Variants in RBFOX3 observed in about 807,000 individuals in gnomAD.
RBFOX3 encodes the protein RNA binding protein fox-1 homolog 3.
RBFOX3 carries 17 observed loss-of-function variants against 48.7 expected under a neutral mutation model. The ratio of observed to expected loss-of-function variants is 0.35; its 90% CI spans 0.24 to 0.52. The LOEUF (loss-of-function observed/expected upper bound fraction) is 0.52. Ranked by LOEUF, RBFOX3 falls within the 20% of genes least tolerant of loss-of-function variation. The probability of loss-of-function intolerance (pLI) is 0.94; values close to 1 mark genes in which losing one functional copy is unlikely to be tolerated. For missense variants in RBFOX3, 382 were observed against 497.5 expected (o/e 0.77, Z 2.21); for synonymous variants, 212 against 209.5 (o/e 1.01, Z -0.10).
At chr17:79,433,097 A>G (rs1003538860) in intron 2 of RBFOX3, among the ~76,000 whole-genome samples, 2 of 152,148 alleles carry the variant, frequency 1.3e-5, no homozygotes, top group Non-Finnish European at 2.9e-5. Context: ...GTCACCACCA[A>G]CACCAATGGG....
chr17:79,432,794 T>G (rs142233783), intron 2 of RBFOX3, among the ~76,000 whole-genome samples: 1 of 152,082 alleles, frequency 6.6e-6, no homozygotes, highest in East Asian at 1.9e-4. Context: ...ATCCTAGAAA[T>G]TCTGCAAGCT....
At chr17:79,595,439 G>A (rs1434973449) in intron 1 of RBFOX3, among the ~76,000 whole-genome samples, 1 of 152,218 alleles carries the variant, frequency 6.6e-6, no homozygotes, top group African/African-American at 2.4e-5. Context: ...AGGTCCACAC[G>A]CTTTAGGATT....
At chr17:79,151,176 G>C (rs561879965) in intron 4 of RBFOX3, among the ~76,000 whole-genome samples, 10 of 152,080 alleles carry the variant, frequency 6.6e-5, no homozygotes, top group African/African-American at 2.4e-4. Context: ...CAACAAAGCC[G>C]GCATCAGACC....
In RBFOX3 at chr17:79,204,982, A is replaced by G. The variant is rs992250919; in HGVS notation, c.-34+30784T>C. On this transcript the variant is annotated intron_variant, in intron 4 of 14. Transcript: ENST00000693108. This position sits in a 1 kb window ranked among gnomAD's most constrained non-coding sequence, Gnocchi z 4.5. Reference sequence around the variant, plus strand: ...GCTTGGCTTATATAGCCAGGAAAAAATCAAGAGCTAGAGAGCAGAGAACTC... The same window carrying G: ...GCTTGGCTTATATAGCCAGGAAAAAGTCAAGAGCTAGAGAGCAGAGAACTC... Among the ~76,000 whole-genome samples, 1 of 152,144 alleles carries G rather than the reference A, an allele frequency of 6.6e-6. No homozygotes were observed. Among genetic ancestry groups the G allele is most frequent in the African/African-American group, 2.4e-5 (1 of 41,410 alleles).
At chr17:79,642,779 G>A in the RBFOX3 span, among the ~76,000 whole-genome samples, 2 of 152,110 alleles carry the variant, frequency 1.3e-5, no homozygotes, top group African/African-American at 2.4e-5. Context: ...AAAACAAATA[G>A]GAAAATGATA....
intron 2 of RBFOX3, among the ~76,000 whole-genome samples, chr17:79,449,684 A>G (rs4790043): frequency 0.78 from 117,938 of 151,204 alleles, 46,686 homozygotes; most frequent in Non-Finnish European, 0.86. Context: ...CCAATGGAGC[A>G]TCTCTGCTGG....
chr17:79,555,164 T>A (rs1490220499), intron 1 of RBFOX3, among the ~76,000 whole-genome samples: 1 of 152,232 alleles, frequency 6.6e-6, no homozygotes, highest in African/African-American at 2.4e-5. Flanking sequence ...AGTATCCATA[T>A]CCCCAATGGA....
intron 3 of RBFOX3, among the ~76,000 whole-genome samples, chr17:79,247,526 G>A (rs180864173): frequency 6.8e-4 from 104 of 152,174 alleles, no homozygotes; most frequent in African/African-American, 2.4e-3. Flanking sequence ...TGCCCAGGCT[G>A]GTCTTGAACT....
In RBFOX3 at chr17:79,095,565, C is replaced by G. The variant is rs1440844625; in HGVS notation, c.946G>C (p.Ala316Pro). ...GCGGGCTGAGCGTATCTGTAGGCTGCGTAGCCTCCCTGCAGGGTAAGTGGG... is the reference window on the plus strand; with the variant it reads ...GCGGGCTGAGCGTATCTGTAGGCTGGGTAGCCTCCCTGCAGGGTAAGTGGG... ...FYGAEIYGGY[A>P]AYRYAQPAAA... Residue 316 changes from alanine to proline, a missense_variant, in exon 13 of 15, where the codon GCA (alanine) becomes CCA (proline). Ala to Pro is a conservative substitution (Grantham distance 27). Around this residue, in one of 3 missense-constraint regions of RBFOX3, gnomAD observed 215 missense variants for 254.8 expected, o/e 0.84. Coordinates refer to ENST00000693108, the MANE Select transcript of RBFOX3 (RefSeq NM_001350451.2). The G allele has an allele frequency of 6.4e-7, 1 of 1,551,160 alleles. No homozygotes were observed. The highest frequency in any genetic ancestry group is 8.7e-7 in the Non-Finnish European group (1 of 1,146,658).
chr17:79,168,044 C>T (rs73410071), intron 4 of RBFOX3, among the ~76,000 whole-genome samples: 29,684 of 152,218 alleles, frequency 0.2, 4,956 homozygotes, highest in African/African-American at 0.45. Context: ...GGGTGGGTAA[C>T]TGGGGAGGGT....
rs879903980 is a variant in RBFOX3 at position 79,299,907 on chromosome 17, CTTT to C, written c.-74+7814_-74+7816del. 2.8e-5 allele frequency among the ~76,000 whole-genome samples: 4 copies of C among 143,496 alleles called. No individual in the cohort carries two copies. The highest frequency in any genetic ancestry group is 1.5e-5 in the Non-Finnish European group (1 of 64,980). The allele number at this position is 143,496 out of a possible 152,430, so 94.1% of individuals were successfully genotyped here. ...GCCTCCAAAGGAATCTGCCGACACT[CTTT>C]TTTTTTTTTTTTGAGACAGTGTCTC... On this transcript the variant is annotated intron_variant, in intron 3 of 14. Coordinates refer to ENST00000693108, the MANE Select transcript of RBFOX3 (RefSeq NM_001350451.2). The surrounding 1 kb of genome is among the most constrained non-coding windows in gnomAD (Gnocchi z 4.5).
At chr17:79,500,053 G>A (rs2082174228) in intron 1 of RBFOX3, among the ~76,000 whole-genome samples, 1 of 152,116 alleles carries the variant, frequency 6.6e-6, no homozygotes, top group African/African-American at 2.4e-5. Context: ...AGCCTTGTAT[G>A]TTTCCACTTG....
intron 5 of RBFOX3, among the ~76,000 whole-genome samples, chr17:79,107,341 T>TC (rs2077575658): frequency 6.6e-6 from 1 of 152,130 alleles, no homozygotes; most frequent in Non-Finnish European, 1.5e-5. Context: ...GGGGTTCACC[T>TC]CCAGAAGCCT....
In RBFOX3 at chr17:79,585,535, C is replaced by T. The variant is rs973618353; in HGVS notation, c.-320+25291G>A. On this transcript the variant is annotated intron_variant, in intron 1 of 14. Transcript: ENST00000693108. ...TCACAGCATCGCACTCCAGCCTGGG[C>T]GACAACAGCGAGACTCCTTCTCAAA... Among the ~76,000 whole-genome samples, 34 of 151,796 alleles carry T rather than the reference C, an allele frequency of 2.2e-4. No homozygotes were observed. In the East Asian group the frequency reaches 5.6e-3, roughly 25 times the overall value.
the RBFOX3 span, among the ~76,000 whole-genome samples, chr17:79,631,563 G>C: frequency 6.6e-6 from 1 of 152,132 alleles, no homozygotes; most frequent in African/African-American, 2.4e-5. Context: ...CTGACCACAC[G>C]GGGCCTGGGA....
intron 2 of RBFOX3, among the ~76,000 whole-genome samples, chr17:79,355,586 T>A (rs1391172854): frequency 6.8e-6 from 1 of 147,208 alleles, no homozygotes; most frequent in African/African-American, 2.5e-5. Flanking sequence ...ATTAATTGCT[T>A]TTTTTTTTTT....
At chr17:79,329,012 T>G in intron 2 of RBFOX3, among the ~76,000 whole-genome samples, 1 of 151,616 alleles carries the variant, frequency 6.6e-6, no homozygotes, top group African/African-American at 2.4e-5. Context: ...GGGGAAGAAG[T>G]AAAGAATAAA....
At chr17:79,300,738 C>A (rs72848068) in intron 3 of RBFOX3, among the ~76,000 whole-genome samples, 18,185 of 152,112 alleles carry the variant, frequency 0.12, 1,175 homozygotes, top group Middle Eastern at 0.15. Flanking sequence ...TCCAAGCCGA[C>A]GTTTCGAGAC....
intron 1 of RBFOX3, among the ~76,000 whole-genome samples, chr17:79,486,091 CAGA>C (rs1352288822): frequency 3.3e-5 from 5 of 152,354 alleles, no homozygotes; most frequent in Non-Finnish European, 5.9e-5. Flanking sequence ...TTGTGGCTGG[CAGA>C]AGGAGTGGAA....
Sources: gnomAD v4.1 joint callset for allele counts (sites outside exome capture counted in the v4.1 genomes callset) on GRCh38, gnomAD v4.1.1 for gene constraint, gnomAD v4.1.1 regional missense constraint, Gnocchi (gnomAD v3.1) non-coding constraint, MANE v1.5 for transcripts, NCBI Gene and HGNC (gene_info 2026-07-23, HGNC 2026-07-21) for gene names.